TASP1: variants seen among roughly 807,000 people sequenced by gnomAD.
The protein encoded by TASP1 is taspase 1.
A neutral mutation model predicts 56.6 loss-of-function variants in TASP1; 16 were observed. The observed-to-expected ratio is 0.28, with a 90% CI of 0.19 to 0.43. TASP1 has a LOEUF of 0.43. Among genes scored for constraint, TASP1 ranks in the 20% least tolerant of loss-of-function variants. The pLI is 1.00. For missense variants in TASP1, 393 were observed against 511.6 expected (o/e 0.77, Z 2.24); for synonymous variants, 179 against 184.2 (o/e 0.97, Z 0.23).
intron 8 of TASP1, among the ~76,000 whole-genome samples, chr20:13,546,451 C>CA (rs943531823): frequency 1.3e-5 from 2 of 152,082 alleles, no homozygotes; most frequent in Non-Finnish European, 2.9e-5. Flanking sequence ...TTAGCACAGC[C>CA]AAAAAAAGGC....
chr20:13,447,802 A>G (rs1375877145), intron 11 of TASP1, among the ~76,000 whole-genome samples: 1 of 152,022 alleles, frequency 6.6e-6, no homozygotes, highest in Non-Finnish European at 1.5e-5. Flanking sequence ...AATTTCCTTC[A>G]TCCAGATCTT....
At chr20:13,517,476 T>C (rs969763637) in intron 10 of TASP1, among the ~76,000 whole-genome samples, 2 of 152,122 alleles carry the variant, frequency 1.3e-5, no homozygotes, top group African/African-American at 4.8e-5. Context: ...CAATACAAGC[T>C]AAGCAGTATT....
At chr20:13,415,444 CTTT>C (rs368921864) in intron 13 of TASP1, among the ~76,000 whole-genome samples, 3 of 133,044 alleles carry the variant, frequency 2.3e-5, no homozygotes, top group Non-Finnish European at 1.6e-5. Flanking sequence ...TTGGGGTTTT[CTTT>C]TTTTTTTTTT....
the TASP1 span, among the ~76,000 whole-genome samples, chr20:13,129,281 C>T: frequency 6.6e-6 from 1 of 152,144 alleles, no homozygotes; most frequent in African/African-American, 2.4e-5. Context: ...GGATTACAGG[C>T]GTGAGCCACT....
intron 13 of TASP1, among the ~76,000 whole-genome samples, chr20:13,401,744 C>T (rs1225741126): frequency 1.3e-5 from 2 of 152,180 alleles, no homozygotes; most frequent in Non-Finnish European, 2.9e-5. Context: ...CATAGATAAT[C>T]ATTACTCATT....
intron 4 of TASP1, among the ~76,000 whole-genome samples, chr20:13,612,491 A>AACAC (rs34343791): frequency 0.34 from 48,941 of 143,886 alleles, 8,629 homozygotes; most frequent in East Asian, 0.5. Flanking sequence ...ATTTGTAGCA[A>AACAC]ACACACACAC....
chr20:13,337,768 G>A, the TASP1 span, among the ~76,000 whole-genome samples: 16 of 152,218 alleles, frequency 1.1e-4, no homozygotes, highest in African/African-American at 3.9e-4. Context: ...GTAACCAGAG[G>A]CCAGAAGGAA....
chr20:13,163,845 A>G, the TASP1 span, among the ~76,000 whole-genome samples: 1 of 152,206 alleles, frequency 6.6e-6, no homozygotes, highest in South Asian at 2.1e-4. Flanking sequence ...GAAAGGTTAA[A>G]AAGGCATGAC....
Position 13,389,872 on chromosome 20 carries a change from T to A in TASP1, c.*488A>T, listed in dbSNP as rs2041208914. 1 of 155,476 alleles carries A rather than the reference T, an allele frequency of 6.4e-6. No homozygotes were observed. Among genetic ancestry groups the A allele is most frequent in the Admixed American group, 6.3e-5 (1 of 15,886 alleles). 9.6% of individuals were successfully genotyped at this position (155,476 alleles called of 1,614,324 possible). On this transcript the variant is annotated 3_prime_UTR_variant, in exon 14 of 14. Transcript: ENST00000337743. ...CTGGTTAACAAATAAAAACACTTTA[T>A]TACTTATTACTGTTATTAAATGGAG...
chr20:13,258,194 A>T, the TASP1 span, among the ~76,000 whole-genome samples: 4 of 152,072 alleles, frequency 2.6e-5, no homozygotes, highest in Non-Finnish European at 4.4e-5. Flanking sequence ...TGGGCACATG[A>T]TCTGCATGTA....
the TASP1 span, among the ~76,000 whole-genome samples, chr20:13,235,134 T>G: frequency 0.02 from 3,008 of 152,286 alleles, 45 homozygotes; most frequent in Non-Finnish European, 0.022. Context: ...CACTCATGGG[T>G]CCATGGGTCA....
chr20:13,497,345 C>G (rs1324126953), intron 10 of TASP1, among the ~76,000 whole-genome samples: 1 of 152,244 alleles, frequency 6.6e-6, no homozygotes, highest in Non-Finnish European at 1.5e-5. Flanking sequence ...CAGAAGCACA[C>G]TGGATCTTCC....
At chr20:13,437,448 C>A (rs1390544480) in intron 11 of TASP1, among the ~76,000 whole-genome samples, 1 of 152,168 alleles carries the variant, frequency 6.6e-6, no homozygotes, top group Non-Finnish European at 1.5e-5. Flanking sequence ...AAAACTGGCA[C>A]AAGACAGGGA....
At chr20:13,307,457 A>G in the TASP1 span, among the ~76,000 whole-genome samples, 1 of 152,206 alleles carries the variant, frequency 6.6e-6, no homozygotes, top group African/African-American at 2.4e-5. Context: ...GAAATGTTCT[A>G]TATATTGTGT....
At chr20:13,161,756 CAG>C in the TASP1 span, among the ~76,000 whole-genome samples, 11 of 152,028 alleles carry the variant, frequency 7.2e-5, no homozygotes, top group African/African-American at 2.4e-4. Flanking sequence ...ATGAAGGGAA[CAG>C]AAATAATAAA....
intron 4 of TASP1, among the ~76,000 whole-genome samples, chr20:13,592,036 G>A (rs2047551589): frequency 6.6e-6 from 1 of 151,928 alleles, no homozygotes; most frequent in Non-Finnish European, 1.5e-5. Flanking sequence ...GAAGAAATAA[G>A]AACAAAGTAG....
chr20:13,327,688 CA>C, the TASP1 span, among the ~76,000 whole-genome samples: 1 of 152,070 alleles, frequency 6.6e-6, no homozygotes, highest in Non-Finnish European at 1.5e-5. Context: ...ACAAACTTGA[CA>C]AAAACAAGCA....
intron 8 of TASP1, among the ~76,000 whole-genome samples, chr20:13,536,495 A>C (rs1355668792): frequency 2.6e-5 from 4 of 152,236 alleles, no homozygotes; most frequent in Non-Finnish European, 5.9e-5. Context: ...ATAGCAAACA[A>C]ATCTCACACA....
At chr20:13,317,259 C>A in the TASP1 span, among the ~76,000 whole-genome samples, 2 of 151,394 alleles carry the variant, frequency 1.3e-5, no homozygotes, top group African/African-American at 4.8e-5. Context: ...AAAAACAAAA[C>A]AAAACAAAAA....
Sources: gnomAD v4.1 joint callset for allele counts (sites outside exome capture counted in the v4.1 genomes callset) on GRCh38, gnomAD v4.1.1 for gene constraint, MANE v1.5 for transcripts, NCBI Gene and HGNC (gene_info 2026-07-23, HGNC 2026-07-21) for gene names.